ESRRG: variants seen among roughly 807,000 people sequenced by gnomAD.
ESRRG encodes estrogen related receptor gamma.
ESRRG carries 13 observed loss-of-function variants against 44.0 expected under a neutral mutation model. The observed-to-expected ratio is 0.30, with a 90% confidence interval of 0.19 to 0.47. ESRRG has a LOEUF of 0.47. Ranked by LOEUF, ESRRG falls within the 20% of genes least tolerant of loss-of-function variation. The probability of loss-of-function intolerance (pLI) is 1.00; values close to 1 mark genes in which losing one functional copy is unlikely to be tolerated. For synonymous variants in ESRRG, 215 were observed against 214.6 expected (o/e 1.00, Z -0.02); for missense variants, 395 against 580.6 (o/e 0.68, Z 3.29).
intron 2 of ESRRG, among the ~76,000 whole-genome samples, chr1:216,810,555 G>A (rs929487759): frequency 1.4e-5 from 2 of 146,936 alleles, no homozygotes; most frequent in Admixed American, 1.4e-4. Flanking sequence ...GTAATAGAAG[G>A]CAGAATATAT....
chr1:216,819,633 CT>C (rs910014024), intron 2 of ESRRG, among the ~76,000 whole-genome samples: 99 of 148,180 alleles, frequency 6.7e-4, no homozygotes, highest in Non-Finnish European at 1.0e-3. Context: ...GTATTTAGTA[CT>C]TTTTTTTTTG....
intron 1 of ESRRG, among the ~76,000 whole-genome samples, chr1:217,077,354 G>A (rs1224743954): frequency 6.6e-6 from 1 of 152,164 alleles, no homozygotes; most frequent in Non-Finnish European, 1.5e-5. Flanking sequence ...TTATTGGTTG[G>A]AGTTAATTGG....
intron 2 of ESRRG, among the ~76,000 whole-genome samples, chr1:216,662,407 A>G (rs2072719544): frequency 6.6e-6 from 1 of 152,164 alleles, no homozygotes; most frequent in Admixed American, 6.6e-5. Context: ...AATTACCCCA[A>G]GGGTCAGGGA....
intron 6 of ESRRG, among the ~76,000 whole-genome samples, chr1:216,515,446 C>T (rs1479048739): frequency 6.6e-6 from 1 of 152,044 alleles, no homozygotes; most frequent in Non-Finnish European, 1.5e-5. Context: ...AAATATGGTG[C>T]CCATTCCAGT....
intron 1 of ESRRG, among the ~76,000 whole-genome samples, chr1:217,060,092 G>A (rs755153241): frequency 2.6e-5 from 4 of 151,662 alleles, no homozygotes; most frequent in African/African-American, 9.7e-5. Context: ...TGTCCTGGCC[G>A]GCATACAATA....
At chr1:217,133,688 T>TTTCTTTC (rs2093006716) in intron 1 of ESRRG, among the ~76,000 whole-genome samples, 1 of 151,012 alleles carries the variant, frequency 6.6e-6, no homozygotes, top group Non-Finnish European at 1.5e-5. Context: ...TCTTTCTAAC[T>TTTCTTTC]GTGCTTTTAC....
chr1:217,131,701 C>G (rs182141699), intron 1 of ESRRG, among the ~76,000 whole-genome samples: 2 of 152,298 alleles, frequency 1.3e-5, no homozygotes, highest in Admixed American at 1.3e-4. Context: ...CAGAATACAG[C>G]CCTGAACATA....
At chr1:217,104,408 T>A (rs972127702) in intron 1 of ESRRG, among the ~76,000 whole-genome samples, 5 of 152,206 alleles carry the variant, frequency 3.3e-5, no homozygotes, top group African/African-American at 1.2e-4. Flanking sequence ...CCATGAAGCC[T>A]GGATTCAGAA....
intron 2 of ESRRG, among the ~76,000 whole-genome samples, chr1:216,660,754 A>C (rs1030153373): frequency 1.3e-5 from 2 of 152,108 alleles, no homozygotes; most frequent in Non-Finnish European, 2.9e-5. Context: ...TTATGGTGTA[A>C]GGGCAGCTGT....
intron 2 of ESRRG, among the ~76,000 whole-genome samples, chr1:216,772,817 A>G (rs189327333): frequency 6.6e-6 from 1 of 151,542 alleles, no homozygotes; most frequent in East Asian, 2.0e-4. Flanking sequence ...TAAGAAATGT[A>G]CTTGGGCAGC....
At chr1:216,922,806 CTGT>C (rs1379764598) in intron 2 of ESRRG, among the ~76,000 whole-genome samples, 1 of 152,126 alleles carries the variant, frequency 6.6e-6, no homozygotes, top group African/African-American at 2.4e-5. Flanking sequence ...TGTGGGTTTT[CTGT>C]TGTTGTTAAC....
chr1:216,551,303 T>C lies in ESRRG; in HGVS notation c.862+12916A>G, dbSNP rs138584796. Among the ~76,000 whole-genome samples, 915 of 152,244 alleles carry C rather than the reference T, an allele frequency of 6.0e-3. 5 individuals are homozygous for C. The highest frequency in any genetic ancestry group is 0.021 in the African/African-American group (865 of 41,546). ...TAGGCATGAGCTTGCTACAAAAATA[T>C]ATTGCACATGGTATTTTTGTTGAGG... On this transcript the variant is annotated intron_variant, in intron 5 of 6. Coordinates refer to ENST00000408911, the MANE Select transcript of ESRRG (RefSeq NM_001438.4).
In ESRRG at chr1:216,503,465, A is replaced by G. The variant is rs2040669632; in HGVS notation, c.*3474T>C. 6.6e-6 allele frequency: 1 copy of G among 152,590 alleles called. No individual in the cohort carries two copies. The highest frequency in any genetic ancestry group is 2.4e-5 in the African/African-American group (1 of 41,438). 9.5% of individuals were successfully genotyped at this position (152,590 alleles called of 1,614,324 possible). A position where few individuals can be genotyped will look rare whatever the true frequency, so the allele number is the denominator to read the frequency against. On this transcript the variant is annotated 3_prime_UTR_variant, in exon 7 of 7. Transcript: ENST00000408911. Reference sequence around the variant, plus strand: ...ACAAAAATATACAATTGATTGCTTTACAGATGTGAAGCCCATCTACAGCTA... The same window carrying G: ...ACAAAAATATACAATTGATTGCTTTGCAGATGTGAAGCCCATCTACAGCTA...
intron 3 of ESRRG, among the ~76,000 whole-genome samples, chr1:216,624,429 C>T (rs756143050): frequency 6.6e-6 from 1 of 152,156 alleles, no homozygotes; most frequent in Non-Finnish European, 1.5e-5. Context: ...GTGGCCATGA[C>T]CCTCAGGTCC....
chr1:216,777,561 T>C (rs1251921201), intron 2 of ESRRG, among the ~76,000 whole-genome samples: 2 of 152,274 alleles, frequency 1.3e-5, no homozygotes, highest in South Asian at 4.1e-4. Flanking sequence ...ACCACAGTGC[T>C]AGACTTAAAT....
chr1:216,566,787 C>T (rs1014430926), intron 4 of ESRRG, among the ~76,000 whole-genome samples: 1 of 152,068 alleles, frequency 6.6e-6, no homozygotes, highest in African/African-American at 2.4e-5. Flanking sequence ...GAGAAGATGC[C>T]AGATTGGACA....
At chr1:216,730,914 T>A (rs1461811479) in intron 2 of ESRRG, among the ~76,000 whole-genome samples, 1 of 152,236 alleles carries the variant, frequency 6.6e-6, no homozygotes, top group Non-Finnish European at 1.5e-5. Context: ...AGGAGCAATG[T>A]ACAATGATTG....
intron 1 of ESRRG, among the ~76,000 whole-genome samples, chr1:217,017,267 C>T (rs1260945823): frequency 1.3e-5 from 2 of 152,054 alleles, no homozygotes; most frequent in African/African-American, 2.4e-5. Context: ...AAATGCAATA[C>T]ATTACAGTGA....
intron 1 of ESRRG, among the ~76,000 whole-genome samples, chr1:216,716,394 T>C (rs1355467190): frequency 6.6e-6 from 1 of 152,012 alleles, no homozygotes; most frequent in African/African-American, 2.4e-5. Flanking sequence ...AATTTATTGG[T>C]AGCTTCCCTT....
Sources: allele counts gnomAD v4.1 joint callset (sites outside exome capture counted in the v4.1 genomes callset), GRCh38; gene constraint gnomAD v4.1.1; transcripts MANE v1.5; gene names NCBI Gene and HGNC (gene_info 2026-07-23, HGNC 2026-07-21).